Variants in LRP1 observed in about 807,000 individuals in gnomAD.
LRP1 encodes the protein prolow-density lipoprotein receptor-related protein 1.
LRP1 carries 51 observed loss-of-function variants against 541.5 expected under a neutral mutation model. That is an observed-to-expected ratio of 0.09 (90% CI 0.08 to 0.12). The LOEUF (loss-of-function observed/expected upper bound fraction) is 0.12. Ranked by LOEUF, LRP1 falls within the 10% of genes least tolerant of loss-of-function variation. LRP1 has a pLI of 1.00. For synonymous variants in LRP1, 2,219 were observed against 2,470.8 expected (o/e 0.90, Z 3.02); for missense variants, 3,878 against 6,376.2 (o/e 0.61, Z 13.34).
Position 57,184,377 on chromosome 12 carries a change from G to A in LRP1, c.6111G>A (p.Arg2037=), listed in dbSNP as rs777412205. ...AGTATCCGCGTATTGAGCGGTCTCG[G>A]CTAGATGGCACGGAGCGTGTGGTGC... is the stretch of plus-strand genomic sequence containing the variant. ...WGQYPRIERS[R]LDGTERVVLV... is the part of the protein sequence containing the mutation. The change falls in exon 38 of 89, where the codon CGG becomes CGA. Residue 2037 remains arginine (R), a synonymous_variant. Transcript: ENST00000243077. The surrounding 1 kb of genome is among the most constrained non-coding windows in gnomAD (Gnocchi z 7.8). 3.7e-6 allele frequency: 6 copies of A among 1,614,236 alleles called. No homozygotes were observed. The Admixed American group carries it at 8.3e-5, about 22-fold the overall frequency.
At chr12:57,132,495 C>G (rs1325720757) in intron 1 of LRP1, among the ~76,000 whole-genome samples, 1 of 152,174 alleles carries the variant, frequency 6.6e-6, no homozygotes, top group African/African-American at 2.4e-5. Context: ...TAGGACAGAT[C>G]TTGCTCCCAC....
chr12:57,202,672 A>C (rs2036683057), intron 68 of LRP1, 135 bp downstream of exon 68: 2 of 646,078 alleles, frequency 3.1e-6, no homozygotes, highest in Non-Finnish European at 2.8e-6. Context: ...CTCCTCACCC[A>C]TCCCACTCCA....
At chr12:57,160,408 G>A (rs779072913) in intron 12 of LRP1, among the ~76,000 whole-genome samples, 4 of 152,068 alleles carry the variant, frequency 2.6e-5, no homozygotes, top group African/African-American at 4.8e-5. Flanking sequence ...CCTGCCTCAG[G>A]GCTTTTGCTC....
At chr12:57,172,642 G>A (rs1264849834) in intron 20 of LRP1, among the ~76,000 whole-genome samples, 1 of 152,094 alleles carries the variant, frequency 6.6e-6, no homozygotes, top group Non-Finnish European at 1.5e-5. Context: ...CATCTTACCT[G>A]ACAGATCACC....
At position 57,206,694 on chromosome 12, in the gene LRP1, T is replaced by C; in HGVS notation, c.11812T>C (p.Ser3938Pro). 6.2e-7 allele frequency: 1 copy of C among 1,613,426 alleles called. No individual in the cohort carries two copies. Among genetic ancestry groups the C allele is most frequent in the South Asian group, 1.1e-5 (1 of 91,078 alleles). Reference sequence around the variant, plus strand: ...GCCACCTGCTGCGCCTCCTACCACTTCCAACCGCCACCGGCGACAGATTGA... The same window carrying C: ...GCCACCTGCTGCGCCTCCTACCACTCCCAACCGCCACCGGCGACAGATTGA... ...SLPPAAPPTT[S>P]NRHRRQIDRG... The change falls in exon 76 of 89, where the codon TCC becomes CCC. Residue 3938 changes from serine to proline, a missense_variant. By Grantham distance (74) the Ser-to-Pro change is moderately conservative. Around this residue, in one of 13 missense-constraint regions of LRP1, gnomAD observed 871 missense variants for 1,212.4 expected, o/e 0.72. Coordinates refer to ENST00000243077, the MANE Select transcript of LRP1 (RefSeq NM_002332.3). The surrounding 1 kb of genome is among the most constrained non-coding windows in gnomAD (Gnocchi z 4.7).
At chr12:57,186,961 A>T (rs2036282346) in intron 41 of LRP1, among the ~76,000 whole-genome samples, 1 of 152,252 alleles carries the variant, frequency 6.6e-6, no homozygotes. Context: ...ACAGAAATCT[A>T]CATTGCACTC....
chr12:57,200,924 G>T, intron 64 of LRP1, 109 bp downstream of exon 64: 1 of 1,572,548 alleles, frequency 6.4e-7, no homozygotes, highest in South Asian at 1.1e-5. Context: ...TTGCTCTCCA[G>T]GCTGGATTCC....
At chr12:57,169,100 A>G in intron 19 of LRP1, 40 bp from the exon 20 acceptor site, 2 of 1,569,966 alleles carry the variant, frequency 1.3e-6, no homozygotes, top group Non-Finnish European at 1.7e-6. Flanking sequence ...CTGCTCCACC[A>G]ACTCCCGCTT....
rs35737905 is a variant in LRP1 at position 57,183,219 on chromosome 12, C to T, written c.5663-160C>T. The stretch of plus-strand genomic sequence containing the variant: ...CAGGTGCGCTTCCTCCCGGCCCATG[C>T]TCTGGCCTCAGGCTAGGGTGTGTGT... On this transcript the variant is annotated intron_variant, in intron 34 of 88. Transcript: ENST00000243077. The surrounding 1 kb of genome is among the most constrained non-coding windows in gnomAD (Gnocchi z 6.1). Among the ~76,000 whole-genome samples, 2 of 152,254 alleles carry T rather than the reference C, an allele frequency of 1.3e-5. No individual in the cohort carries two copies. Among genetic ancestry groups the T allele is most frequent in the African/African-American group, 4.8e-5 (2 of 41,532 alleles).
In LRP1 at chr12:57,142,253, T is replaced by G. The variant is rs369188658; in HGVS notation, c.328+742T>G. On this transcript the variant is annotated intron_variant, in intron 3 of 88. Transcript: ENST00000243077. ...AGCCTGCGTGTTAGGGAATAGTGGC[T>G]TCTCCCTTCTCTTTTCTTCGGGGTC... Among the ~76,000 whole-genome samples the G allele has an allele frequency of 2.9e-4, 44 of 152,380 alleles. 3 individuals carry two copies. The highest frequency in any genetic ancestry group is 1.0e-3 in the African/African-American group (43 of 41,588).
chr12:57,212,386 C>A lies in LRP1; in HGVS notation c.13495-29C>A, dbSNP rs772252972. 1.9e-6 allele frequency: 3 copies of A among 1,613,874 alleles called. No homozygotes were observed. The highest frequency in any genetic ancestry group is 2.5e-6 in the Non-Finnish European group (3 of 1,179,994). Reference sequence around the variant, plus strand: ...CTGGGCTACAGGCCCAGCTCCTGAGCCCTACCTGAACCCTCTGTCACCCTG... The same window carrying A: ...CTGGGCTACAGGCCCAGCTCCTGAGACCTACCTGAACCCTCTGTCACCCTG... On this transcript the variant is annotated intron_variant, in intron 88 of 88. Transcript: ENST00000243077. This position sits in a 1 kb window ranked among gnomAD's most constrained non-coding sequence, Gnocchi z 5.0.
intron 68 of LRP1, 30 bp from the exon 69 acceptor site, chr12:57,203,151 C>T (rs374733022): frequency 1.7e-5 from 25 of 1,495,148 alleles, no homozygotes; most frequent in Middle Eastern, 1.7e-4. Context: ...TGCCCACCCT[C>T]CTGGGCCTGT....
intron 50 of LRP1, 101 bp downstream of exon 50, chr12:57,194,800 C>T (rs1208743025): frequency 1.4e-6 from 2 of 1,411,198 alleles, no homozygotes; most frequent in Non-Finnish European, 1.9e-6. Flanking sequence ...CATCCAGAGC[C>T]TTCAACCCCC....
rs141393147 is a variant in LRP1, at chr12:57,197,130, G to T, written c.9041G>T (p.Arg3014Leu). Reference protein sequence around the residue: ...KCLCVEGYAPRGGDPHSCKAV... With the variant: ...KCLCVEGYAPLGGDPHSCKAV... ...CTGTGTGTGGAGGGCTATGCACCCC[G>T]CGGCGGCGACCCCCACAGCTGCAAG... is the stretch of plus-strand genomic sequence containing the variant. The change falls in exon 56 of 89, where the codon CGC becomes CTC. Residue 3014 changes from arginine (R) to leucine (L), a missense_variant. Physicochemically the swap from Arg to Leu is moderately radical, Grantham distance 102 (BLOSUM62 -2). Transcript: ENST00000243077. This position sits in a 1 kb window ranked among gnomAD's most constrained non-coding sequence, Gnocchi z 4.5. The T allele has an allele frequency of 3.8e-5, 62 of 1,613,860 alleles. No individual in the cohort carries two copies. Among genetic ancestry groups the T allele is most frequent in the Non-Finnish European group, 5.2e-5 (61 of 1,180,028 alleles).
chr12:57,194,148 G>C, intron 48 of LRP1, 136 bp downstream of exon 48: 1 of 1,007,868 alleles, frequency 9.9e-7, no homozygotes. Flanking sequence ...CCATCTCCCT[G>C]AGGCCCTGTC....
At position 57,204,973 on chromosome 12, in the gene LRP1, G is replaced by A. The variant is rs1316869802; in HGVS notation, c.11195-136G>A. The A allele has an allele frequency of 5.0e-6, 7 of 1,406,804 alleles. No homozygotes were observed. The highest frequency in any genetic ancestry group is 6.7e-6 in the Non-Finnish European group (7 of 1,038,382). 87.1% of individuals were successfully genotyped at this position (1,406,804 alleles called of 1,614,324 possible). ...GCCTTAGGTCTTGGAGGTGGGGCTGGGAACCCAAATGTTTGACCTGCTCCC... is the reference window on the plus strand; with the variant it reads ...GCCTTAGGTCTTGGAGGTGGGGCTGAGAACCCAAATGTTTGACCTGCTCCC... On this transcript the variant is annotated intron_variant, in intron 72 of 88. Coordinates refer to ENST00000243077, the MANE Select transcript of LRP1 (RefSeq NM_002332.3). The surrounding 1 kb of genome is among the most constrained non-coding windows in gnomAD (Gnocchi z 5.3).
At chr12:57,202,770 G>A (rs1415070898) in intron 68 of LRP1, 1 of 592,460 alleles carries the variant, frequency 1.7e-6, no homozygotes, top group Non-Finnish European at 3.0e-6. Flanking sequence ...AGAGGTAGGT[G>A]TCTCTGATGT....
Position 57,154,810 on chromosome 12 carries a change from G to C in LRP1, c.1227+109G>C, listed in dbSNP as rs1410179854. ...CGTTCTCTGAGTCTCCTGGTAAAGA[G>C]CGTGGATGCCCCAGGCCTCTAGTGG... On this transcript the variant is annotated intron_variant, in intron 8 of 88. Transcript: ENST00000243077. The surrounding 1 kb of genome is among the most constrained non-coding windows in gnomAD (Gnocchi z 4.6). 2.0e-6 allele frequency: 2 copies of C among 1,023,764 alleles called. No individual in the cohort carries two copies. Among genetic ancestry groups the C allele is most frequent in the African/African-American group, 1.6e-5 (1 of 62,804 alleles). 63.4% of individuals were successfully genotyped at this position (1,023,764 alleles called of 1,614,324 possible). A position where few individuals can be genotyped will look rare whatever the true frequency, so the allele number is the denominator to read the frequency against.
chr12:57,138,935 G>A (rs1339749068), intron 2 of LRP1, among the ~76,000 whole-genome samples: 2 of 152,150 alleles, frequency 1.3e-5, no homozygotes, highest in Non-Finnish European at 2.9e-5. Context: ...CCCAGGTCTT[G>A]TCGGATCCTC....
Sources: gnomAD v4.1 joint callset for allele counts (sites outside exome capture counted in the v4.1 genomes callset) on GRCh38, gnomAD v4.1.1 for gene constraint, gnomAD v4.1.1 regional missense constraint, Gnocchi (gnomAD v3.1) non-coding constraint, MANE v1.5 for transcripts, NCBI Gene and HGNC (gene_info 2026-07-23, HGNC 2026-07-21) for gene names.